CSMD1: variants seen among roughly 807,000 people sequenced by gnomAD.
CSMD1 encodes the protein CUB and Sushi multiple domains 1, also known as CUB and sushi domain-containing protein 1.
CSMD1 carries 213 observed loss-of-function variants against 417.5 expected under a neutral mutation model. That is an observed-to-expected ratio of 0.51 (90% CI 0.46 to 0.57). The LOEUF is 0.57. CSMD1 is among the 20% of genes least tolerant of loss of function. The probability of loss-of-function intolerance (pLI) is 0.00; values close to 1 mark genes in which losing one functional copy is unlikely to be tolerated. For synonymous variants in CSMD1, 2,862 were observed against 1,736.8 expected (o/e 1.65, Z -16.11); for missense variants, 6,923 against 4,529.7 (o/e 1.53, Z -15.17).
intron 52 of CSMD1, among the ~76,000 whole-genome samples, chr8:3,015,195 G>T (rs569102110): frequency 6.6e-6 from 1 of 151,734 alleles, no homozygotes; most frequent in African/African-American, 2.4e-5. Flanking sequence ...CAGCTCTCTT[G>T]GGGTTCCTCA....
chr8:4,251,522 A>G (rs1436707111), intron 3 of CSMD1, among the ~76,000 whole-genome samples: 1 of 152,200 alleles, frequency 6.6e-6, no homozygotes, highest in Non-Finnish European at 1.5e-5. Flanking sequence ...ATCAAAATAA[A>G]TAGCCTAAAT....
chr8:4,912,195 A>G (rs1183047658), intron 1 of CSMD1, among the ~76,000 whole-genome samples: 1 of 151,810 alleles, frequency 6.6e-6, no homozygotes, highest in Non-Finnish European at 1.5e-5. Flanking sequence ...TAAAATTAGA[A>G]AAGTCCTCTT....
intron 3 of CSMD1, among the ~76,000 whole-genome samples, chr8:4,375,740 C>T (rs1802692774): frequency 6.6e-6 from 1 of 152,172 alleles, no homozygotes; most frequent in Non-Finnish European, 1.5e-5. Flanking sequence ...TCCCGACTGC[C>T]TGCACCATGC....
At chr8:3,191,261 G>A (rs894945372) in intron 33 of CSMD1, among the ~76,000 whole-genome samples, 3 of 152,040 alleles carry the variant, frequency 2.0e-5, no homozygotes, top group African/African-American at 7.2e-5. Flanking sequence ...TCGTTTATCA[G>A]CCTGGCCAAC....
chr8:3,557,339 T>C (rs1000014851), intron 10 of CSMD1, among the ~76,000 whole-genome samples: 1 of 152,228 alleles, frequency 6.6e-6, no homozygotes, highest in Non-Finnish European at 1.5e-5. Flanking sequence ...GCTGCCTCTC[T>C]AGTGGGGTAA....
At chr8:3,079,548 G>C (rs528210224) in intron 49 of CSMD1, among the ~76,000 whole-genome samples, 1 of 152,288 alleles carries the variant, frequency 6.6e-6, no homozygotes, top group Non-Finnish European at 1.5e-5. Context: ...TGCTCTTTAT[G>C]TTCATAAGTG....
intron 26 of CSMD1, among the ~76,000 whole-genome samples, chr8:3,241,239 G>C (rs537740788): frequency 2.4e-4 from 36 of 151,012 alleles, no homozygotes; most frequent in African/African-American, 8.0e-4. Context: ...GCTTAAAAGA[G>C]TATTGTCTAA....
chr8:4,358,502 C>A (rs1212365132), intron 3 of CSMD1, among the ~76,000 whole-genome samples: 1 of 152,186 alleles, frequency 6.6e-6, no homozygotes, highest in African/African-American at 2.4e-5. Flanking sequence ...TCTCCTTTTG[C>A]GATACCAGCA....
At chr8:4,956,108 G>C (rs957975165) in intron 1 of CSMD1, among the ~76,000 whole-genome samples, 1 of 152,120 alleles carries the variant, frequency 6.6e-6, no homozygotes, top group Non-Finnish European at 1.5e-5. Context: ...ATCACCCTAA[G>C]AACTGCTAAT....
At chr8:4,525,130 C>T (rs1585201956) in intron 2 of CSMD1, among the ~76,000 whole-genome samples, 1 of 152,212 alleles carries the variant, frequency 6.6e-6, no homozygotes, top group Non-Finnish European at 1.5e-5. Flanking sequence ...AATTTTCAAT[C>T]TACTCCAACA....
intron 5 of CSMD1, among the ~76,000 whole-genome samples, chr8:3,927,484 G>C (rs1289347418): frequency 2.0e-5 from 3 of 151,820 alleles, no homozygotes; most frequent in Non-Finnish European, 4.4e-5. Context: ...GGCCAACATG[G>C]TGAGACCCCA....
intron 6 of CSMD1, 143 bp from the exon 7 acceptor site, chr8:3,708,634 G>C (rs2129039948): frequency 6.1e-6 from 4 of 654,310 alleles, no homozygotes; most frequent in Middle Eastern, 2.5e-4. Flanking sequence ...ATGATACCAA[G>C]TCAATGAAGT....
At chr8:4,198,658 C>G (rs932921449) in intron 3 of CSMD1, among the ~76,000 whole-genome samples, 4 of 152,106 alleles carry the variant, frequency 2.6e-5, no homozygotes, top group Non-Finnish European at 5.9e-5. Flanking sequence ...ACATAGCTTG[C>G]CTTTTCCAGA....
At position 4,256,770 on chromosome 8, in the gene CSMD1, A is replaced by C. The variant is rs543031256; in HGVS notation, c.415+163183T>G. ...AGGTACAGGGCAGTGCCCTGCTCTC[A>C]AGCAGCTTGCAACAGGGCCAAGCAG... On this transcript the variant is annotated intron_variant, in intron 3 of 69. Transcript: ENST00000635120. Among the ~76,000 whole-genome samples, 5 of 152,272 alleles carry C rather than the reference A, an allele frequency of 3.3e-5. No homozygotes were observed. In the South Asian group the frequency reaches 1.0e-3, roughly 32 times the overall value.
At chr8:4,586,886 T>C (rs575466714) in intron 2 of CSMD1, among the ~76,000 whole-genome samples, 2 of 152,366 alleles carry the variant, frequency 1.3e-5, no homozygotes, top group South Asian at 4.1e-4. Context: ...GCATAGTATT[T>C]GATAAGAGTG....
intron 3 of CSMD1, among the ~76,000 whole-genome samples, chr8:4,247,575 C>A (rs1362016228): frequency 6.6e-6 from 1 of 152,120 alleles, no homozygotes. Context: ...ATAATACCAC[C>A]ATTCTTGTTA....
intron 41 of CSMD1, among the ~76,000 whole-genome samples, chr8:3,130,202 G>C (rs1817721588): frequency 1.3e-5 from 2 of 152,154 alleles, no homozygotes; most frequent in Admixed American, 1.3e-4. Context: ...TTAACATGAT[G>C]ATCACGGAGG....
Position 4,119,288 on chromosome 8 carries a change from C to T in CSMD1, c.416-87189G>A, listed in dbSNP as rs1469588977. On this transcript the variant is annotated intron_variant, in intron 3 of 69. Coordinates refer to ENST00000635120, the MANE Select transcript of CSMD1 (RefSeq NM_033225.6). ...AAAAAATAGAAACAAATGGAAACAA[C>T]CCAAATCTAAATGTCAACAGGCAAA... Among the ~76,000 whole-genome samples, 5 of 152,110 alleles carry T rather than the reference C, an allele frequency of 3.3e-5. No individual in the cohort carries two copies. The East Asian group carries it at 9.6e-4, about 29-fold the overall frequency.
chr8:3,547,348 C>T (rs1025729146), intron 10 of CSMD1, among the ~76,000 whole-genome samples: 8 of 152,114 alleles, frequency 5.3e-5, no homozygotes, highest in African/African-American at 1.7e-4. Flanking sequence ...AAAATTTGTA[C>T]GGTCGAAAAA....
Sources: gnomAD v4.1 joint callset for allele counts (sites outside exome capture counted in the v4.1 genomes callset) on GRCh38, gnomAD v4.1.1 for gene constraint, MANE v1.5 for transcripts, NCBI Gene and HGNC (gene_info 2026-07-23, HGNC 2026-07-21) for gene names.